Variants in UBE2E3 observed in about 807,000 individuals in gnomAD.
UBE2E3 encodes ubiquitin conjugating enzyme E2 E3.
Under a neutral mutation model 23.6 loss-of-function variants are expected in UBE2E3, and 5 were observed. That is an observed-to-expected ratio of 0.21 (90% CI 0.11 to 0.44). UBE2E3 has a LOEUF of 0.44. Ranked by LOEUF, UBE2E3 falls within the 20% of genes least tolerant of loss-of-function variation. The pLI, the probability that UBE2E3 is intolerant of heterozygous loss-of-function variation, is 0.99. For missense variants in UBE2E3, 81 were observed against 249.8 expected (o/e 0.32, Z 4.55); for synonymous variants, 78 against 87.5 (o/e 0.89, Z 0.60).
At chr2:181,026,708 T>G (rs191753010) in intron 3 of UBE2E3, among the ~76,000 whole-genome samples, 79 of 151,842 alleles carry the variant, frequency 5.2e-4, no homozygotes, top group African/African-American at 1.7e-3. Flanking sequence ...TCAGGTAGAT[T>G]TCATTACCTC....
At chr2:180,997,954 C>G (rs1353304586) in intron 3 of UBE2E3, among the ~76,000 whole-genome samples, 1 of 152,078 alleles carries the variant, frequency 6.6e-6, no homozygotes, top group Non-Finnish European at 1.5e-5. Context: ...GTCATGTACC[C>G]TTTCATCCCA....
At chr2:180,987,713 TA>T (rs1684524953) in intron 3 of UBE2E3, among the ~76,000 whole-genome samples, 1 of 152,152 alleles carries the variant, frequency 6.6e-6, no homozygotes, top group Non-Finnish European at 1.5e-5. Flanking sequence ...TGATAATCTC[TA>T]GATTCCTCAT....
At chr2:180,982,296 G>A (rs1684321439) in intron 2 of UBE2E3, 60 bp downstream of exon 2, 1 of 1,516,360 alleles carries the variant, frequency 6.6e-7, no homozygotes. Context: ...GTGGTTGGAC[G>A]CTTTTGTTGG....
chr2:181,014,149 A>G (rs1317364575), intron 3 of UBE2E3, among the ~76,000 whole-genome samples: 3 of 152,192 alleles, frequency 2.0e-5, no homozygotes, highest in Non-Finnish European at 4.4e-5. Flanking sequence ...ATGCAGTGCC[A>G]TATTCGGAGA....
chr2:181,062,218 A>G (rs902721618), intron 5 of UBE2E3, among the ~76,000 whole-genome samples: 3 of 151,690 alleles, frequency 2.0e-5, no homozygotes, highest in African/African-American at 7.3e-5. Flanking sequence ...CAAATATTGT[A>G]CCATATGTAC....
chr2:181,008,792 C>T (rs540073608), intron 3 of UBE2E3, among the ~76,000 whole-genome samples: 1 of 152,230 alleles, frequency 6.6e-6, no homozygotes. Context: ...AAATGTTAAA[C>T]AGTTATTGAG....
At chr2:181,030,352 C>A (rs981111796) in intron 3 of UBE2E3, among the ~76,000 whole-genome samples, 1 of 151,944 alleles carries the variant, frequency 6.6e-6, no homozygotes, top group East Asian at 1.9e-4. Context: ...CTTGCTCTGT[C>A]GCCCAGGCTG....
At chr2:181,022,303 T>A (rs947341828) in intron 3 of UBE2E3, among the ~76,000 whole-genome samples, 4 of 152,120 alleles carry the variant, frequency 2.6e-5, no homozygotes, top group East Asian at 1.9e-4. Context: ...TATCAAACAT[T>A]TAGAAAAATA....
chr2:181,045,880 A>G (rs1220216494), intron 3 of UBE2E3, among the ~76,000 whole-genome samples: 3 of 145,632 alleles, frequency 2.1e-5, no homozygotes, highest in Admixed American at 6.7e-5. Flanking sequence ...GTTGGGACAG[A>G]AAAAAAAAAG....
At chr2:181,017,662 T>TA (rs202211026) in intron 3 of UBE2E3, among the ~76,000 whole-genome samples, 2 of 150,416 alleles carry the variant, frequency 1.3e-5, no homozygotes, top group Non-Finnish European at 3.0e-5. Flanking sequence ...TTTTTTTTTT[T>TA]AATACGGAAG....
chr2:180,983,867 T>G (rs1325273629), intron 2 of UBE2E3, 176 bp from the exon 3 acceptor site: 3 of 445,394 alleles, frequency 6.7e-6, no homozygotes, highest in Non-Finnish European at 1.2e-5. Flanking sequence ...CTGCAAAGTT[T>G]CTGTTAAGGG....
chr2:181,028,883 C>T (rs1198990106), intron 3 of UBE2E3, among the ~76,000 whole-genome samples: 5 of 151,940 alleles, frequency 3.3e-5, no homozygotes, highest in African/African-American at 1.2e-4. Context: ...ATTTATCAGT[C>T]TCTTATATGA....
intron 3 of UBE2E3, among the ~76,000 whole-genome samples, chr2:181,006,007 A>G (rs1487474703): frequency 6.6e-6 from 1 of 152,164 alleles, no homozygotes; most frequent in Non-Finnish European, 1.5e-5. Flanking sequence ...GCTGATGTAA[A>G]CACCAGTTTA....
At chr2:181,041,259 A>ATT (rs528739856) in intron 3 of UBE2E3, among the ~76,000 whole-genome samples, 1 of 140,936 alleles carries the variant, frequency 7.1e-6, no homozygotes, top group African/African-American at 2.7e-5. Context: ...AAAAAGATAG[A>ATT]TTTTTTTTTT....
intron 3 of UBE2E3, among the ~76,000 whole-genome samples, chr2:181,029,238 G>C (rs545043994): frequency 1.3e-5 from 2 of 152,014 alleles, no homozygotes; most frequent in South Asian, 4.2e-4. Context: ...AATGAGTCTT[G>C]ATATCTAGTA....
At chr2:180,990,278 G>GAA (rs201035065) in intron 3 of UBE2E3, among the ~76,000 whole-genome samples, 4 of 151,772 alleles carry the variant, frequency 2.6e-5, no homozygotes, top group Admixed American at 6.6e-5. Flanking sequence ...GACGTCAGTG[G>GAA]TACTGCTGAA....
chr2:180,992,120 T>C (rs1684675851), intron 3 of UBE2E3, among the ~76,000 whole-genome samples: 1 of 152,156 alleles, frequency 6.6e-6, no homozygotes, highest in Non-Finnish European at 1.5e-5. Context: ...AGTTGTTGTT[T>C]TTGGTTTGTT....
At chr2:181,047,542 G>A (rs181149359) in intron 3 of UBE2E3, among the ~76,000 whole-genome samples, 1 of 152,134 alleles carries the variant, frequency 6.6e-6, no homozygotes, top group African/African-American at 2.4e-5. Flanking sequence ...CATTATCTCA[G>A]TCATAGCAGT....
intron 4 of UBE2E3, among the ~76,000 whole-genome samples, chr2:181,060,038 T>C (rs960067346): frequency 1.3e-5 from 2 of 151,754 alleles, no homozygotes; most frequent in Non-Finnish European, 3.0e-5. Flanking sequence ...ATTAGTTTCC[T>C]TTATCCAGTA....
Sources: gnomAD v4.1 joint callset for allele counts (sites outside exome capture counted in the v4.1 genomes callset) on GRCh38, gnomAD v4.1.1 for gene constraint, MANE v1.5 for transcripts, NCBI Gene and HGNC (gene_info 2026-07-23, HGNC 2026-07-21) for gene names.